The following CNTN3 variants were observed in gnomAD, a reference collection of about 807,000 sequenced individuals.
CNTN3 encodes the protein contactin-3.
CNTN3 carries 60 observed loss-of-function variants against 119.1 expected under a neutral mutation model. That is an observed-to-expected ratio of 0.50 (90% confidence interval 0.41 to 0.62). CNTN3 has a LOEUF of 0.62. Among genes scored for constraint, CNTN3 ranks in the 20% least tolerant of loss-of-function variants. The pLI, the probability that CNTN3 is intolerant of heterozygous loss-of-function variation, is 0.00. For missense variants in CNTN3, 1,101 were observed against 1,242.4 expected, an observed-to-expected ratio of 0.89 and a Z score of 1.71; for synonymous variants, 450 against 438.7, an observed-to-expected ratio of 1.03 and a Z score of -0.32.
At chr3:74,422,672 G>T (rs975640347) in intron 5 of CNTN3, among the ~76,000 whole-genome samples, 2 of 152,064 alleles carry the variant, frequency 1.3e-5, no homozygotes, top group African/African-American at 2.4e-5. Flanking sequence ...AAATCACTCA[G>T]TCGGAATTTT....
Position 74,301,822 on chromosome 3 carries a change from T to C in CNTN3, c.1787-17A>G. The C allele has an allele frequency of 6.2e-7, 1 of 1,612,718 alleles. No homozygotes were observed. Among genetic ancestry groups the C allele is most frequent in the African/African-American group, 1.3e-5 (1 of 74,962 alleles). On this transcript the variant is annotated splice_polypyrimidine_tract_variant and intron_variant, in intron 14 of 22. Transcript: ENST00000263665. ...CAGGTGAACCTAAGGAAGGCACAAATGGAAACATTGAGTAGCAGTTCCATA... is the reference window on the plus strand; with the variant it reads ...CAGGTGAACCTAAGGAAGGCACAAACGGAAACATTGAGTAGCAGTTCCATA...
At chr3:74,359,813 A>AT (rs1704039952) in intron 11 of CNTN3, among the ~76,000 whole-genome samples, 6 of 148,942 alleles carry the variant, frequency 4.0e-5, no homozygotes, top group African/African-American at 1.5e-4. Context: ...ATCTCTATTT[A>AT]ATTCATGTAT....
chr3:74,370,539 C>G (rs370857483), intron 6 of CNTN3, among the ~76,000 whole-genome samples: 1 of 152,096 alleles, frequency 6.6e-6, no homozygotes, highest in Admixed American at 6.6e-5. Context: ...TTAAATGGCT[C>G]CCTGGAGTTA....
At chr3:74,296,807 G>T (rs1456227215) in intron 18 of CNTN3, among the ~76,000 whole-genome samples, 1 of 151,002 alleles carries the variant, frequency 6.6e-6, no homozygotes, top group Admixed American at 6.6e-5. Flanking sequence ...TTTTTTATTT[G>T]AAATATCAAA....
intron 13 of CNTN3, among the ~76,000 whole-genome samples, chr3:74,320,454 TG>T (rs1451309733): frequency 6.6e-5 from 10 of 151,414 alleles, no homozygotes; most frequent in African/African-American, 2.4e-4. Flanking sequence ...CACTCATAGG[TG>T]GGAATTGAAC....
intron 5 of CNTN3, among the ~76,000 whole-genome samples, chr3:74,420,664 C>T (rs1204139539): frequency 6.6e-6 from 1 of 152,198 alleles, no homozygotes; most frequent in Non-Finnish European, 1.5e-5. Flanking sequence ...TGGCTTAGGA[C>T]AGTGTCACTT....
chr3:74,584,928 AT>A (rs761821210), intron 1 of CNTN3, among the ~76,000 whole-genome samples: 21 of 152,146 alleles, frequency 1.4e-4, no homozygotes, highest in Non-Finnish European at 1.3e-4. Context: ...TCCTCAGTAA[AT>A]TGGCCAATCC....
At chr3:74,336,465 T>C (rs979096949) in intron 12 of CNTN3, 66 bp downstream of exon 12, 7 of 1,533,130 alleles carry the variant, frequency 4.6e-6, no homozygotes, top group African/African-American at 2.7e-5. Flanking sequence ...ACATAGTTAC[T>C]TTCCTCATAA....
chr3:74,425,451 G>A (rs1266568917), intron 4 of CNTN3, among the ~76,000 whole-genome samples: 2 of 152,120 alleles, frequency 1.3e-5, no homozygotes, highest in South Asian at 2.1e-4. Flanking sequence ...CTTTATTAAA[G>A]CTTCTAGAAA....
chr3:74,611,227 C>G (rs530670670), intron 1 of CNTN3, among the ~76,000 whole-genome samples: 1 of 152,246 alleles, frequency 6.6e-6, no homozygotes, highest in South Asian at 2.1e-4. Context: ...TTTCCTCATT[C>G]CTTGCAAGGC....
chr3:74,428,907 C>T (rs1221921126), intron 4 of CNTN3, among the ~76,000 whole-genome samples: 2 of 152,104 alleles, frequency 1.3e-5, no homozygotes, highest in African/African-American at 4.8e-5. Context: ...AAATACTCAC[C>T]ATTGTGTCAC....
At chr3:74,570,665 T>C (rs982296342) in intron 1 of CNTN3, among the ~76,000 whole-genome samples, 3 of 152,146 alleles carry the variant, frequency 2.0e-5, no homozygotes, top group Non-Finnish European at 4.4e-5. Context: ...AAAATTTTTA[T>C]GTATCATATT....
At chr3:74,332,670 A>C (rs1254258326) in intron 13 of CNTN3, among the ~76,000 whole-genome samples, 1 of 152,206 alleles carries the variant, frequency 6.6e-6, no homozygotes, top group African/African-American at 2.4e-5. Context: ...TCAGTCTTTC[A>C]TTACACATTT....
At chr3:74,338,615 C>T (rs1703457750) in intron 11 of CNTN3, among the ~76,000 whole-genome samples, 1 of 152,026 alleles carries the variant, frequency 6.6e-6, no homozygotes, top group Admixed American at 6.6e-5. Flanking sequence ...GTCCATTACT[C>T]ACTTTCATTT....
At chr3:74,386,050 G>T (rs1704738275) in intron 5 of CNTN3, among the ~76,000 whole-genome samples, 1 of 152,230 alleles carries the variant, frequency 6.6e-6, no homozygotes, top group Middle Eastern at 3.4e-3. Context: ...TACAGATAAG[G>T]TAACTAAGAT....
At chr3:74,494,433 A>G (rs999183490) in intron 3 of CNTN3, among the ~76,000 whole-genome samples, 3 of 152,016 alleles carry the variant, frequency 2.0e-5, no homozygotes, top group Non-Finnish European at 4.4e-5. Context: ...CATTTTTCTG[A>G]CACCATTTGG....
intron 5 of CNTN3, among the ~76,000 whole-genome samples, chr3:74,408,262 G>A (rs1017223128): frequency 1.3e-5 from 2 of 152,078 alleles, no homozygotes; most frequent in African/African-American, 4.8e-5. Context: ...AGATGCTTTT[G>A]AAAATCTGAT....
intron 4 of CNTN3, among the ~76,000 whole-genome samples, chr3:74,448,987 C>A (rs1404685243): frequency 6.6e-6 from 1 of 152,018 alleles, no homozygotes; most frequent in Non-Finnish European, 1.5e-5. Context: ...GCGATCAGGA[C>A]ACTTCCCAGC....
chr3:74,406,843 T>C (rs1705337294), intron 5 of CNTN3, among the ~76,000 whole-genome samples: 1 of 152,138 alleles, frequency 6.6e-6, no homozygotes, highest in Non-Finnish European at 1.5e-5. Flanking sequence ...ATTATTTTGT[T>C]TCTGCTAGAG....
Sources: allele counts gnomAD v4.1 joint callset (sites outside exome capture counted in the v4.1 genomes callset), GRCh38; gene constraint gnomAD v4.1.1; transcripts MANE v1.5; gene names NCBI Gene and HGNC (gene_info 2026-07-23, HGNC 2026-07-21).